ASPA: variants seen among roughly 807,000 people sequenced by gnomAD.
ASPA encodes the protein aspartoacylase, also known as ACY-2.
Under a neutral mutation model 29.6 loss-of-function variants are expected in ASPA, and 25 were observed. The ratio of observed to expected loss-of-function variants is 0.85; its 90% CI spans 0.62 to 1.18. The LOEUF (loss-of-function observed/expected upper bound fraction) is 1.18. Ranked by LOEUF, ASPA falls within the 50% of genes most tolerant of loss-of-function variation. ASPA has a pLI of 0.00. For missense variants in ASPA, 333 were observed against 385.7 expected, an observed-to-expected ratio of 0.86 and a Z score of 1.14; for synonymous variants, 131 against 130.3, an observed-to-expected ratio of 1.01 and a Z score of -0.04.
chr17:3,498,354 AT>A (rs1011115240), intron 5 of ASPA, among the ~76,000 whole-genome samples: 5 of 150,416 alleles, frequency 3.3e-5, no homozygotes, highest in East Asian at 3.9e-4. Context: ...ACTCTTTTTT[AT>A]TTTTTTTTAG....
Position 3,499,268 on chromosome 17 carries a change from T to G in ASPA, c.*180T>G, listed in dbSNP as rs768368098. ...TAATATATCTTTAAAGATATCATAT[T>G]TTATGTATGTAGCTTATTCAAAGAA... On this transcript the variant is annotated 3_prime_UTR_variant, in exon 6 of 6. Coordinates refer to ENST00000263080, the MANE Select transcript of ASPA (RefSeq NM_000049.4). 9.4e-5 allele frequency: 51 copies of G among 540,596 alleles called. No homozygotes were observed. Among genetic ancestry groups the G allele is most frequent in the Non-Finnish European group, 5.1e-5 (16 of 315,336 alleles). The allele number at this position is 540,596 out of a possible 1,614,324, so 33.5% of individuals were successfully genotyped here.
chr17:3,490,420 G>A lies in ASPA; in HGVS notation c.634+1078G>A, dbSNP rs1035272713. On this transcript the variant is annotated intron_variant, in intron 4 of 5. Transcript: ENST00000263080. This position sits in a 1 kb window ranked among gnomAD's most constrained non-coding sequence, Gnocchi z 4.6. ...GCTTAAAATCAAAGAGACATTCTAT[G>A]TAAACAATTATTCCAACAGACTGAG... 2.0e-5 allele frequency among the ~76,000 whole-genome samples: 3 copies of A among 152,274 alleles called. No homozygotes were observed. Among genetic ancestry groups the A allele is most frequent in the South Asian group, 2.1e-4 (1 of 4,830 alleles).
At chr17:3,497,304 T>TC (rs1487463263) in intron 5 of ASPA, among the ~76,000 whole-genome samples, 2 of 152,026 alleles carry the variant, frequency 1.3e-5, no homozygotes, top group African/African-American at 4.8e-5. Context: ...TTCAGAGAAA[T>TC]AGTTCTCAGC....
At position 3,476,101 on chromosome 17, in the gene ASPA, C is replaced by G; in HGVS notation, c.-59C>G. The G allele has an allele frequency of 5.3e-6, 8 of 1,500,350 alleles. No individual in the cohort carries two copies. Among genetic ancestry groups the G allele is most frequent in the Non-Finnish European group, 7.4e-6 (8 of 1,081,448 alleles). 92.9% of individuals were successfully genotyped at this position (1,500,350 alleles called of 1,614,324 possible). On this transcript the variant is annotated 5_prime_UTR_variant, in exon 1 of 6. The change creates a new upstream start codon in the 5' untranslated region. Transcript: ENST00000263080. ...ATTTCTAAACCTTTCTTAAGAAAAT[C>G]GAATTTCCTTTGATCTCTCTTCTGA...
chr17:3,482,041 C>T (rs1380408117), intron 2 of ASPA, among the ~76,000 whole-genome samples: 2 of 152,082 alleles, frequency 1.3e-5, no homozygotes, highest in Non-Finnish European at 2.9e-5. Context: ...AGTAATAAAA[C>T]ACTTGTGGAT....
upstream of ASPA, among the ~76,000 whole-genome samples, chr17:3,475,256 T>C (rs1206272247): frequency 6.6e-6 from 1 of 152,150 alleles, no homozygotes; most frequent in Non-Finnish European, 1.5e-5. Context: ...AGACCCCTTT[T>C]TGAGTAACAC....
Position 3,498,986 on chromosome 17 carries a change from CGTG to C in ASPA, c.841_843del (p.Val281del). The C allele has an allele frequency of 6.2e-7, 1 of 1,614,078 alleles. No homozygotes were observed. Among genetic ancestry groups the C allele is most frequent in the Non-Finnish European group, 8.5e-7 (1 of 1,179,994 alleles). ...TGGGCGGAGACTGTACCGTGTACCCCGTGTTTGTGAATGAGGCCGCATATTACG... is the reference window on the plus strand; with the variant it reads ...TGGGCGGAGACTGTACCGTGTACCCCTTTGTGAATGAGGCCGCATATTACG... On this transcript the variant is annotated inframe_deletion, in exon 6 of 6. Transcript: ENST00000263080.
At chr17:3,491,724 G>A (rs1034266791) in intron 4 of ASPA, among the ~76,000 whole-genome samples, 6 of 151,796 alleles carry the variant, frequency 4.0e-5, no homozygotes, top group Admixed American at 6.6e-5. Flanking sequence ...CTCCAGCCTC[G>A]GTGACAGAGT....
At position 3,500,957 on chromosome 17, in the gene ASPA, A is replaced by C. The variant is rs999878862; in HGVS notation, c.*1869A>C. On this transcript the variant is annotated 3_prime_UTR_variant, in exon 6 of 6. Coordinates refer to ENST00000263080, the MANE Select transcript of ASPA (RefSeq NM_000049.4). ...TTGAGACCTACTGCTTGGGAAAAAA[A>C]AAAATTCCTTTCAAAATACTACTGC... is the stretch of plus-strand genomic sequence containing the variant. 2 of 152,242 alleles carry C rather than the reference A, an allele frequency of 1.3e-5. No individual in the cohort carries two copies. The highest frequency in any genetic ancestry group is 4.8e-5 in the African/African-American group (2 of 41,536). The allele number at this position is 152,242 out of a possible 1,614,324, so 9.4% of individuals were successfully genotyped here. A position where few individuals can be genotyped will look rare whatever the true frequency, so the allele number is the denominator to read the frequency against.
At position 3,488,596 on chromosome 17, in the gene ASPA, G is replaced by A. The variant is rs2073767834; in HGVS notation, c.527-639G>A. Among the ~76,000 whole-genome samples, 1 of 152,206 alleles carries A rather than the reference G, an allele frequency of 6.6e-6. No individual in the cohort carries two copies. Among genetic ancestry groups the A allele is most frequent in the Non-Finnish European group, 1.5e-5 (1 of 68,044 alleles). The stretch of plus-strand genomic sequence containing the variant: ...CGCTTGAACCTGGGAGGCAGAGGTT[G>A]CAGTGAGCAGAAATCACACCACTGT... On this transcript the variant is annotated intron_variant, in intron 3 of 5. Transcript: ENST00000263080. This position sits in a 1 kb window ranked among gnomAD's most constrained non-coding sequence, Gnocchi z 6.1.
intron 5 of ASPA, among the ~76,000 whole-genome samples, chr17:3,497,706 C>A (rs9941396): frequency 6.6e-6 from 1 of 152,014 alleles, no homozygotes; most frequent in Non-Finnish European, 1.5e-5. Flanking sequence ...ATGTCGTGCA[C>A]GTGAACGTCA....
At chr17:3,477,922 C>T (rs980362483) in intron 1 of ASPA, among the ~76,000 whole-genome samples, 2 of 151,868 alleles carry the variant, frequency 1.3e-5, no homozygotes, top group African/African-American at 4.8e-5. Flanking sequence ...GTGGCTCACA[C>T]CTGTAATCCC....
intron 4 of ASPA, among the ~76,000 whole-genome samples, chr17:3,489,958 T>A (rs2073796201): frequency 6.6e-6 from 1 of 152,236 alleles, no homozygotes; most frequent in South Asian, 2.1e-4. Context: ...AATGTCCACC[T>A]GTTGGTGGAG....
Position 3,494,470 on chromosome 17 carries a change from T to C in ASPA, c.744+11T>C, listed in dbSNP as rs1260456020. On this transcript the variant is annotated intron_variant, in intron 5 of 5. Coordinates refer to ENST00000263080, the MANE Select transcript of ASPA (RefSeq NM_000049.4). ...CATCCTAATCTGCAGGTAACATTTGTTCTTTCTTTAAAATGTTGAAAATAA... is the reference window on the plus strand; with the variant it reads ...CATCCTAATCTGCAGGTAACATTTGCTCTTTCTTTAAAATGTTGAAAATAA... 76 of 1,579,626 alleles carry C rather than the reference T, an allele frequency of 4.8e-5. No homozygotes were observed. Among genetic ancestry groups the C allele is most frequent in the Non-Finnish European group, 6.4e-5 (74 of 1,148,686 alleles).
intron 2 of ASPA, among the ~76,000 whole-genome samples, chr17:3,482,959 T>A (rs2073659045): frequency 8.5e-6 from 1 of 118,114 alleles, no homozygotes; most frequent in Non-Finnish European, 1.7e-5. Flanking sequence ...CCCCAATTCT[T>A]CATTGCCTAT....
rs2074011283 is a variant in ASPA, at chr17:3,503,266, A to C, written c.*4178A>C. 1 of 152,200 alleles carries C rather than the reference A, an allele frequency of 6.6e-6. No individual in the cohort carries two copies. Among genetic ancestry groups the C allele is most frequent in the African/African-American group, 2.4e-5 (1 of 41,416 alleles). 9.4% of individuals were successfully genotyped at this position (152,200 alleles called of 1,614,324 possible). On this transcript the variant is annotated 3_prime_UTR_variant, in exon 6 of 6. Coordinates refer to ENST00000263080, the MANE Select transcript of ASPA (RefSeq NM_000049.4). ...TATTTATACATTTTCATTCTTCCAA[A>C]GTGAACCCCACTATGCCAGTTTTAC...
intron 4 of ASPA, among the ~76,000 whole-genome samples, chr17:3,491,816 G>C (rs2073830366): frequency 6.6e-6 from 1 of 151,670 alleles, no homozygotes; most frequent in African/African-American, 2.4e-5. Context: ...GTGACCCAGA[G>C]GGCAGAAGAG....
chr17:3,486,836 C>T (rs749501813), intron 3 of ASPA, among the ~76,000 whole-genome samples: 1 of 152,038 alleles, frequency 6.6e-6, no homozygotes, highest in African/African-American at 2.4e-5. Flanking sequence ...TTTGGTGGCC[C>T]TATTGTCCAA....
rs540965896 is a variant in ASPA, at chr17:3,491,877, C to CTTTT, written c.635-2458_635-2455dup. Among the ~76,000 whole-genome samples the CTTTT allele has an allele frequency of 3.7e-4, 46 of 123,032 alleles. 1 individual carries two copies. Among genetic ancestry groups the CTTTT allele is most frequent in the East Asian group, 4.7e-4 (2 of 4,226 alleles). 80.7% of individuals were successfully genotyped at this position (123,032 alleles called of 152,430 possible). On this transcript the variant is annotated intron_variant, in intron 4 of 5. Transcript: ENST00000263080. Reference sequence around the variant, plus strand: ...GACAGAAATTTTTTTCTTTTGTTTTCTTTTTTTTTTTTTTTTTTGAGACAG... The same window carrying CTTTT: ...GACAGAAATTTTTTTCTTTTGTTTTCTTTTTTTTTTTTTTTTTTTTTTGAGACAG...
Sources: allele counts gnomAD v4.1 joint callset (sites outside exome capture counted in the v4.1 genomes callset), GRCh38; gene constraint gnomAD v4.1.1; non-coding constraint Gnocchi (gnomAD v3.1); transcripts MANE v1.5; gene names NCBI Gene and HGNC (gene_info 2026-07-23, HGNC 2026-07-21).